The following ACADM variants were observed in gnomAD, a reference collection of about 807,000 sequenced individuals.
ACADM encodes the protein acyl-CoA dehydrogenase medium chain.
A neutral mutation model predicts 58.9 loss-of-function variants in ACADM; 49 were observed. The ratio of observed to expected loss-of-function variants is 0.83; its 90% confidence interval spans 0.66 to 1.06. ACADM has a LOEUF of 1.06. Among genes scored for constraint, ACADM ranks in the 50% least tolerant of loss-of-function variants. ACADM has a pLI of 0.00. For synonymous variants in ACADM, 160 were observed against 157.7 expected, an observed-to-expected ratio of 1.01 and a Z score of -0.11; for missense variants, 496 against 507.0, an observed-to-expected ratio of 0.98 and a Z score of 0.21.
At position 75,733,618 on chromosome 1, in the gene ACADM, A is replaced by G. The variant is rs1647189142; in HGVS notation, c.377A>G (p.Asn126Ser). 2.5e-6 allele frequency: 4 copies of G among 1,612,832 alleles called. No individual in the cohort carries two copies. Among genetic ancestry groups the G allele is most frequent in the Non-Finnish European group, 3.4e-6 (4 of 1,179,000 alleles). Reference sequence around the variant, plus strand: ...GGGGTTCAGACTGCTATTGAAGGAAATTCTTTGGGGGTAAGTGACTTAGAA... The same window carrying G: ...GGGGTTCAGACTGCTATTGAAGGAAGTTCTTTGGGGGTAAGTGACTTAGAA... ...CTGVQTAIEG[N>S]SLGQMPIIIA... The change falls in exon 5 of 12, where the codon AAT (asparagine) becomes AGT (serine). Residue 126 changes from asparagine (N) to serine (S), a missense_variant. Physicochemically the swap from Asn to Ser is conservative, Grantham distance 46 (BLOSUM62 1). Transcript: ENST00000370841.
chr1:75,729,637 G>T (rs1647116153), intron 2 of ACADM, among the ~76,000 whole-genome samples: 1 of 151,570 alleles, frequency 6.6e-6, no homozygotes, highest in Non-Finnish European at 1.5e-5. Flanking sequence ...GGGACTACAG[G>T]TGTGGGTCAT....
At chr1:75,743,646 A>G in intron 7 of ACADM, 1 of 1,497,090 alleles carries the variant, frequency 6.7e-7, no homozygotes, top group Non-Finnish European at 9.3e-7. Context: ...AGAGTGAGCC[A>G]AAAACACCTC....
intron 1 of ACADM, among the ~76,000 whole-genome samples, chr1:75,726,537 G>A (rs556937590): frequency 6.6e-6 from 1 of 152,184 alleles, no homozygotes; most frequent in African/African-American, 2.4e-5. Context: ...CTAACAGAAA[G>A]ATCAGTATAG....
intron 1 of ACADM, among the ~76,000 whole-genome samples, chr1:75,725,759 T>C (rs1647044474): frequency 6.6e-6 from 1 of 152,206 alleles, no homozygotes; most frequent in Admixed American, 6.5e-5. Context: ...ATAAAACCAA[T>C]AGTTATATAG....
intron 2 of ACADM, among the ~76,000 whole-genome samples, chr1:75,729,198 G>GT (rs1396044875): frequency 1.0e-4 from 13 of 125,474 alleles, no homozygotes; most frequent in South Asian, 2.5e-4. Flanking sequence ...TATTTGTTGT[G>GT]TTTTTTAAAG....
chr1:75,733,095 G>C, intron 4 of ACADM, 173 bp downstream of exon 4: 1 of 1,612,926 alleles, frequency 6.2e-7, no homozygotes, highest in Non-Finnish European at 8.5e-7. Context: ...TCTATACCTA[G>C]ATGCGTTTTT....
intron 10 of ACADM, among the ~76,000 whole-genome samples, chr1:75,755,554 G>A (rs185226796): frequency 6.6e-6 from 1 of 152,322 alleles, no homozygotes; most frequent in East Asian, 1.9e-4. Flanking sequence ...GGTCCTGACT[G>A]ATAGAAGGAA....
chr1:75,732,279 T>C (rs1354797485), intron 2 of ACADM, among the ~76,000 whole-genome samples: 1 of 152,242 alleles, frequency 6.6e-6, no homozygotes, highest in Non-Finnish European at 1.5e-5. Context: ...GGAGATGTCT[T>C]GTATATTAGT....
rs1051887012 is a variant in ACADM at position 75,741,207 on chromosome 1, T to G, written c.599+1097T>G. ...CTTTGTAAAAAATTCAGATTCAATA[T>G]ATTTGTGTGCCATATACTACAGTTT... On this transcript the variant is annotated intron_variant, in intron 7 of 11. Transcript: ENST00000370841. Among the ~76,000 whole-genome samples the G allele has an allele frequency of 4.6e-5, 7 of 152,326 alleles. No homozygotes were observed. The South Asian group carries it at 8.3e-4, about 18-fold the overall frequency.
chr1:75,739,832 G>T, intron 6 of ACADM, 148 bp from the exon 7 acceptor site: 1 of 578,414 alleles, frequency 1.7e-6, no homozygotes, highest in South Asian at 2.7e-5. Flanking sequence ...CATTTGAGTG[G>T]TTTCTTTGAT....
At chr1:75,760,289 G>A (rs1040362265) in intron 10 of ACADM, among the ~76,000 whole-genome samples, 1 of 139,942 alleles carries the variant, frequency 7.1e-6, no homozygotes, top group Non-Finnish European at 1.5e-5. Context: ...AAAAAGCCTG[G>A]TGTGGTGGCA....
At chr1:75,739,845 T>C (rs751567963) in intron 6 of ACADM, 135 bp from the exon 7 acceptor site, 76 of 650,222 alleles carry the variant, frequency 1.2e-4, no homozygotes, top group Non-Finnish European at 1.7e-4. Context: ...TCTTTGATTT[T>C]GTAAGAACAT....
At chr1:75,752,231 C>T (rs2100425300) in intron 10 of ACADM, among the ~76,000 whole-genome samples, 2 of 152,286 alleles carry the variant, frequency 1.3e-5, no homozygotes, top group South Asian at 4.1e-4. Flanking sequence ...ATCTTTCCAC[C>T]TCAGCCCCCC....
At chr1:75,757,004 C>T (rs900165273) in intron 10 of ACADM, among the ~76,000 whole-genome samples, 2 of 152,126 alleles carry the variant, frequency 1.3e-5, no homozygotes, top group Non-Finnish European at 2.9e-5. Context: ...ACTGGCTAGC[C>T]ATATGTAGAA....
rs1057516485 is a variant in ACADM at position 75,761,135 on chromosome 1, C to T, written c.959C>T (p.Ser320Leu). ...GKLLVEHQAISFMLAEMAMKV... is the reference protein window; with the variant it reads ...GKLLVEHQAILFMLAEMAMKV... ...TTTTAATTCTAGCACCAAGCAATAT[C>T]ATTTATGCTGGCTGAAATGGCAATG... The change falls in exon 11 of 12, where the codon TCA becomes TTA. Residue 320 changes from serine to leucine, a missense_variant. Coordinates refer to ENST00000370841, the MANE Select transcript of ACADM (RefSeq NM_000016.6). The T allele has an allele frequency of 6.2e-7, 1 of 1,613,792 alleles. No individual in the cohort carries two copies. Among genetic ancestry groups the T allele is most frequent in the African/African-American group, 1.3e-5 (1 of 74,932 alleles).
chr1:75,745,724 G>T lies in ACADM; in HGVS notation c.600-82G>T, dbSNP rs1647857814. The T allele has an allele frequency of 6.7e-6, 7 of 1,046,254 alleles. No homozygotes were observed. The Admixed American group carries it at 1.2e-4, about 18-fold the overall frequency. The allele number at this position is 1,046,254 out of a possible 1,614,324, so 64.8% of individuals were successfully genotyped here. On this transcript the variant is annotated intron_variant, in intron 7 of 11. Transcript: ENST00000370841. ...AATGTAGGTAATAATAATTGGGATT[G>T]TTAAGAGAATTAACTGAGAGAGCAA...
chr1:75,748,598 A>G (rs1230990676), intron 8 of ACADM, among the ~76,000 whole-genome samples: 4 of 152,238 alleles, frequency 2.6e-5, no homozygotes, highest in African/African-American at 9.6e-5. Flanking sequence ...CAGAAGCACT[A>G]TACTAAGTGA....
At chr1:75,744,425 G>A in intron 7 of ACADM, 3 of 1,495,698 alleles carry the variant, frequency 2.0e-6, no homozygotes, top group Non-Finnish European at 2.8e-6. Context: ...CCATTTGCTG[G>A]TGATGGAACC....
At chr1:75,744,021 A>T in intron 7 of ACADM, 3 of 1,577,748 alleles carry the variant, frequency 1.9e-6, no homozygotes, top group South Asian at 2.2e-5. Context: ...CATCAATCTC[A>T]TTAAAAATTG....
Sources: gnomAD v4.1 joint callset for allele counts (sites outside exome capture counted in the v4.1 genomes callset) on GRCh38, gnomAD v4.1.1 for gene constraint, MANE v1.5 for transcripts, NCBI Gene and HGNC (gene_info 2026-07-23, HGNC 2026-07-21) for gene names.